Variants in PANK4 observed in about 807,000 individuals in gnomAD.
PANK4 encodes the protein pantothenate kinase 4 (inactive).
PANK4 carries 40 observed loss-of-function variants against 87.9 expected under a neutral mutation model. The ratio of observed to expected loss-of-function variants is 0.46; its 90% CI spans 0.35 to 0.59. The LOEUF (loss-of-function observed/expected upper bound fraction) is 0.59. Among genes scored for constraint, PANK4 ranks in the 20% least tolerant of loss-of-function variants. The pLI is 0.00. For missense variants in PANK4, 926 were observed against 1,072.3 expected, an observed-to-expected ratio of 0.86 and a Z score of 1.90; for synonymous variants, 524 against 467.4, an observed-to-expected ratio of 1.12 and a Z score of -1.56.
chr1:2,521,642 A>G (rs1477261355), intron 2 of PANK4, 76 bp downstream of exon 2: 3 of 1,129,260 alleles, frequency 2.7e-6, no homozygotes, highest in Non-Finnish European at 4.1e-6. Flanking sequence ...CAGAGGGATG[A>G]CTGCGAGACA....
intron 9 of PANK4, among the ~76,000 whole-genome samples, chr1:2,516,256 T>C (rs191446568): frequency 2.1e-4 from 32 of 152,080 alleles, no homozygotes; most frequent in Middle Eastern, 3.4e-3. Flanking sequence ...ACGCCCCACA[T>C]GCACCCTTCT....
chr1:2,524,473 G>C (rs960465699), intron 1 of PANK4, among the ~76,000 whole-genome samples: 1 of 152,198 alleles, frequency 6.6e-6, no homozygotes, highest in South Asian at 2.1e-4. Context: ...AAGAACCAGA[G>C]ACACAGGACC....
intron 9 of PANK4, among the ~76,000 whole-genome samples, chr1:2,517,011 G>A (rs1326104310): frequency 6.6e-6 from 1 of 152,190 alleles, no homozygotes; most frequent in African/African-American, 2.4e-5. Context: ...CTCCTGAACG[G>A]GGCCCCCGAA....
Position 2,526,515 on chromosome 1 carries a change from C to CG in PANK4, c.72dup (p.Asp25ArgfsTer50), listed in dbSNP as rs768596064. 2.5e-6 allele frequency: 4 copies of CG among 1,587,104 alleles called. No homozygotes were observed. The highest frequency in any genetic ancestry group is 1.8e-5 in the Admixed American group (1 of 57,126). On this transcript the variant is annotated frameshift_variant, in exon 1 of 19. Coordinates refer to ENST00000378466, the MANE Select transcript of PANK4 (RefSeq NM_018216.4). LOFTEE classifies it high-confidence loss of function. ...TTCTCCAGGTTGCGGAAGATCTCGT[C>CG]GGGGGGCAGCGTGATGCTCTTGTCC... is the stretch of plus-strand genomic sequence containing the variant.
intron 1 of PANK4, among the ~76,000 whole-genome samples, chr1:2,522,467 C>T (rs188943372): frequency 1.3e-5 from 2 of 152,184 alleles, no homozygotes; most frequent in African/African-American, 4.8e-5. Flanking sequence ...CGCCTGTGAT[C>T]AAAGGTTGAA....
In PANK4 at chr1:2,515,863, T is replaced by G. The variant is rs1643762047; in HGVS notation, c.1219-146A>C. ...TCTGGGCCACAGACGAGACCCCCAC[T>G]GGGCCCCCTCAGCTGCCCGGCGGCC... On this transcript the variant is annotated intron_variant, in intron 9 of 18. Transcript: ENST00000378466. The surrounding 1 kb of genome is among the most constrained non-coding windows in gnomAD (Gnocchi z 5.0). 1 of 822,414 alleles carries G rather than the reference T, an allele frequency of 1.2e-6. No homozygotes were observed. Among genetic ancestry groups the G allele is most frequent in the Non-Finnish European group, 1.9e-6 (1 of 527,244 alleles). 50.9% of individuals were successfully genotyped at this position (822,414 alleles called of 1,614,324 possible). A position where few individuals can be genotyped will look rare whatever the true frequency, so the allele number is the denominator to read the frequency against.
Position 2,521,262 on chromosome 1 carries a change from G to T in PANK4, c.261C>A (p.Ile87=), listed in dbSNP as rs1175076148. Reference sequence around the variant, plus strand: ...ACTTAATGAAGTGCAGTCGAGCAGTGATCTCTTCTTGAACTGAAATCTCAT... The same window carrying T: ...ACTTAATGAAGTGCAGTCGAGCAGTTATCTCTTCTTGAACTGAAATCTCAT... ...PPYEISVQEE[I]TARLHFIKFE... is the part of the protein sequence containing the mutation. The change falls in exon 3 of 19, where the codon ATC becomes ATA. Residue 87 remains isoleucine, a synonymous_variant. Transcript: ENST00000378466. The T allele has an allele frequency of 1.2e-6, 2 of 1,613,818 alleles. No homozygotes were observed. Among genetic ancestry groups the T allele is most frequent in the East Asian group, 4.5e-5 (2 of 44,902 alleles).
At chr1:2,511,752 G>A in intron 13 of PANK4, 69 bp from the exon 14 acceptor site, 1 of 919,880 alleles carries the variant, frequency 1.1e-6, no homozygotes, top group Non-Finnish European at 1.8e-6. Flanking sequence ...TGCTCAATGT[G>A]AAGACCCCAA....
At chr1:2,511,975 G>A (rs764905164) in intron 13 of PANK4, among the ~76,000 whole-genome samples, 5 of 152,244 alleles carry the variant, frequency 3.3e-5, no homozygotes, top group South Asian at 2.1e-4. Context: ...CAGATACAGC[G>A]TTCTTAACAT....
In PANK4 at chr1:2,515,931, T is replaced by C; in HGVS notation, c.1219-214A>G. On this transcript the variant is annotated intron_variant, in intron 9 of 18. Transcript: ENST00000378466. This position sits in a 1 kb window ranked among gnomAD's most constrained non-coding sequence, Gnocchi z 5.0. ...CTTACCCCCTGGTTTGACACTGGGGTTGCGTCTGCTCCCACCACACGCCTC... is the reference window on the plus strand; with the variant it reads ...CTTACCCCCTGGTTTGACACTGGGGCTGCGTCTGCTCCCACCACACGCCTC... The C allele has an allele frequency of 1.7e-6, 1 of 597,344 alleles. No individual in the cohort carries two copies. Among genetic ancestry groups the C allele is most frequent in the Non-Finnish European group, 3.0e-6 (1 of 336,336 alleles). The allele number at this position is 597,344 out of a possible 1,614,324, so 37.0% of individuals were successfully genotyped here.
In PANK4 at chr1:2,509,755, C is replaced by T. The variant is rs187170307; in HGVS notation, c.2108+107G>A. 254 of 959,034 alleles carry T rather than the reference C, an allele frequency of 2.6e-4. No homozygotes were observed. Among genetic ancestry groups the T allele is most frequent in the Non-Finnish European group, 1.0e-4 (62 of 606,308 alleles). 59.4% of individuals were successfully genotyped at this position (959,034 alleles called of 1,614,324 possible). ...CCGGGCCTGGGGTCAGGAGAGGCCG[C>T]AGGGGCAGTCCTGAGGTCGGTGTCC... On this transcript the variant is annotated intron_variant, in intron 18 of 18. Transcript: ENST00000378466. This position sits in a 1 kb window ranked among gnomAD's most constrained non-coding sequence, Gnocchi z 4.9.
intron 10 of PANK4, 67 bp from the exon 11 acceptor site, chr1:2,514,533 AGCAGGGGGCTCGGG>A: frequency 1.5e-6 from 1 of 665,852 alleles, no homozygotes; most frequent in Non-Finnish European, 2.2e-6. Context: ...CCCACGTGAC[AGCAGGGGGCTCGGG>A]GAAGGGTGGG....
chr1:2,525,074 G>A (rs1256910724), intron 1 of PANK4, among the ~76,000 whole-genome samples: 1 of 152,160 alleles, frequency 6.6e-6, no homozygotes, highest in Non-Finnish European at 1.5e-5. Context: ...TGGGAGCCAG[G>A]ACCTATAGCT....
chr1:2,509,906 C>G lies in PANK4; in HGVS notation c.2064G>C (p.Leu688=), dbSNP rs746595573. The G allele has an allele frequency of 1.2e-5, 20 of 1,612,448 alleles. No individual in the cohort carries two copies. Among genetic ancestry groups the G allele is most frequent in the Non-Finnish European group, 1.7e-5 (20 of 1,179,854 alleles). The change falls in exon 18 of 19, where the codon CTG becomes CTC. Residue 688 remains leucine (L), a synonymous_variant. Coordinates refer to ENST00000378466, the MANE Select transcript of PANK4 (RefSeq NM_018216.4). This position sits in a 1 kb window ranked among gnomAD's most constrained non-coding sequence, Gnocchi z 4.9. ...VVHSALQEER[L]LLVQTGSSSP... The stretch of plus-strand genomic sequence containing the variant: ...AGCTGGAGCCCGTCTGCACCAGCAG[C>G]AGCCTCTCTTCCTGGAGCGCAGAGC...
intron 2 of PANK4, 69 bp downstream of exon 2, chr1:2,521,649 G>A (rs776769928): frequency 2.4e-6 from 3 of 1,227,908 alleles, no homozygotes; most frequent in African/African-American, 1.5e-5. Context: ...ATGACTGCGA[G>A]ACAAGTGCCA....
chr1:2,520,840 G>C lies in PANK4; in HGVS notation c.489C>G (p.Pro163=). 1 of 1,596,770 alleles carries C rather than the reference G, an allele frequency of 6.3e-7. No individual in the cohort carries two copies. The highest frequency in any genetic ancestry group is 1.3e-5 in the African/African-American group (1 of 74,136). ...CCTTCTGGTACACGAAGGCCTCATG[G>C]GGGATGTTCTTGAGCACGAAGTTGC... is the stretch of plus-strand genomic sequence containing the variant. The part of the protein sequence containing the change: ...KGCNFVLKNI[P]HEAFVYQKDS... Residue 163 remains proline (P), a synonymous_variant, in exon 4 of 19, where the codon CCC becomes CCG. Transcript: ENST00000378466. This position sits in a 1 kb window ranked among gnomAD's most constrained non-coding sequence, Gnocchi z 6.2.
At chr1:2,518,303 C>T in intron 8 of PANK4, 39 bp from the exon 9 acceptor site, 2 of 1,430,252 alleles carry the variant, frequency 1.4e-6, no homozygotes, top group Non-Finnish European at 2.0e-6. Context: ...GTTAACCTTG[C>T]CCTTGATTCA....
At chr1:2,525,123 C>T (rs1173049649) in intron 1 of PANK4, among the ~76,000 whole-genome samples, 1 of 152,170 alleles carries the variant, frequency 6.6e-6, no homozygotes, top group Non-Finnish European at 1.5e-5. Flanking sequence ...CTAGAGGACA[C>T]CCTTCCCTGG....
chr1:2,520,858 GAAGTTGC>G lies in PANK4; in HGVS notation c.464_470del (p.Cys155SerfsTer45). On this transcript the variant is annotated frameshift_variant, in exon 4 of 19. Coordinates refer to ENST00000378466, the MANE Select transcript of PANK4 (RefSeq NM_018216.4). LOFTEE classifies it high-confidence loss of function. This position sits in a 1 kb window ranked among gnomAD's most constrained non-coding sequence, Gnocchi z 6.2. ...CCTCATGGGGGATGTTCTTGAGCAC[GAAGTTGC>G]ACCCCTTAATCAGGCACGTCATCAC... The G allele has an allele frequency of 6.3e-7, 1 of 1,580,628 alleles. No individual in the cohort carries two copies. The highest frequency in any genetic ancestry group is 8.6e-7 in the Non-Finnish European group (1 of 1,164,324).
Sources: gnomAD v4.1 joint callset for allele counts (sites outside exome capture counted in the v4.1 genomes callset) on GRCh38, gnomAD v4.1.1 for gene constraint, Gnocchi (gnomAD v3.1) non-coding constraint, MANE v1.5 for transcripts, NCBI Gene and HGNC (gene_info 2026-07-23, HGNC 2026-07-21) for gene names.